Variants in LRRTM4 observed in about 807,000 individuals in gnomAD.
The protein encoded by LRRTM4 is leucine-rich repeat transmembrane neuronal protein 4.
A neutral mutation model predicts 47.6 loss-of-function variants in LRRTM4; 25 were observed. That is an observed-to-expected ratio of 0.53 (90% CI 0.38 to 0.73). The LOEUF (loss-of-function observed/expected upper bound fraction) is 0.73, where lower values mean the gene tolerates loss of function less well. LRRTM4 is among the 30% of genes least tolerant of loss of function. The probability of loss-of-function intolerance (pLI) is 0.00; values close to 1 mark genes in which losing one functional copy is unlikely to be tolerated. For synonymous variants in LRRTM4, 311 were observed against 269.5 expected, an observed-to-expected ratio of 1.15 and a Z score of -1.51; for missense variants, 638 against 713.4, an observed-to-expected ratio of 0.89 and a Z score of 1.20.
At chr2:77,008,135 A>G (rs1677728707) in intron 3 of LRRTM4, among the ~76,000 whole-genome samples, 1 of 152,200 alleles carries the variant, frequency 6.6e-6, no homozygotes, top group African/African-American at 2.4e-5. Context: ...GACAATGAAA[A>G]AAGAGAATAA....
chr2:76,794,736 T>C, intron 3 of LRRTM4, among the ~76,000 whole-genome samples: 1 of 147,984 alleles, frequency 6.8e-6, no homozygotes, highest in African/African-American at 2.7e-5. Flanking sequence ...TTTGCTATGG[T>C]GTACTGTCTT....
intron 3 of LRRTM4, among the ~76,000 whole-genome samples, chr2:77,479,150 C>A (rs140601231): frequency 1.3e-3 from 192 of 152,218 alleles, no homozygotes; most frequent in African/African-American, 4.4e-3. Context: ...CCTGTCTCGG[C>A]CCCCCAGAGT....
chr2:77,122,910 A>G (rs1671556325), intron 3 of LRRTM4, among the ~76,000 whole-genome samples: 1 of 151,880 alleles, frequency 6.6e-6, no homozygotes. Context: ...TGATTTCCTC[A>G]AGGCTTTTAT....
chr2:76,968,156 C>G (rs1421755505), intron 3 of LRRTM4, among the ~76,000 whole-genome samples: 3 of 148,678 alleles, frequency 2.0e-5, no homozygotes, highest in Non-Finnish European at 3.0e-5. Context: ...AAAGCCTACA[C>G]AGGAAAAAAA....
chr2:77,151,436 A>G (rs1351875740), intron 3 of LRRTM4, among the ~76,000 whole-genome samples: 1 of 152,168 alleles, frequency 6.6e-6, no homozygotes, highest in Admixed American at 6.5e-5. Flanking sequence ...TAACAAATCC[A>G]CTTTTGGTTA....
intron 3 of LRRTM4, among the ~76,000 whole-genome samples, chr2:76,937,126 G>T (rs956089794): frequency 7.2e-5 from 11 of 151,974 alleles, no homozygotes; most frequent in Admixed American, 5.3e-4. Flanking sequence ...TACAGTCTTG[G>T]TGATGGTAAT....
At chr2:77,480,319 G>A (rs574545964) in intron 3 of LRRTM4, among the ~76,000 whole-genome samples, 15 of 152,288 alleles carry the variant, frequency 9.8e-5, no homozygotes, top group African/African-American at 3.6e-4. Flanking sequence ...CAGGGGAGCA[G>A]ATTATTTTCA....
chr2:76,892,418 C>G (rs1202750891), intron 3 of LRRTM4, among the ~76,000 whole-genome samples: 1 of 151,594 alleles, frequency 6.6e-6, no homozygotes, highest in Non-Finnish European at 1.5e-5. Context: ...AACATGTGCC[C>G]TGCACCGTTT....
At chr2:77,394,999 G>C (rs766723909) in intron 3 of LRRTM4, among the ~76,000 whole-genome samples, 1 of 151,972 alleles carries the variant, frequency 6.6e-6, no homozygotes, top group Admixed American at 6.6e-5. Context: ...TTATTTAGCT[G>C]CTAGACAGAA....
At chr2:77,105,111 A>G (rs1671061301) in intron 3 of LRRTM4, among the ~76,000 whole-genome samples, 1 of 152,194 alleles carries the variant, frequency 6.6e-6, no homozygotes, top group Admixed American at 6.5e-5. Context: ...AGATTAAGAG[A>G]ACATTTAGAA....
At chr2:76,781,111 C>G (rs967537815) in intron 3 of LRRTM4, among the ~76,000 whole-genome samples, 34 of 152,254 alleles carry the variant, frequency 2.2e-4, no homozygotes, top group African/African-American at 8.0e-4. Context: ...TCTGCCCATT[C>G]TCAGATCTCC....
At chr2:77,036,796 C>T (rs1185239954) in intron 3 of LRRTM4, among the ~76,000 whole-genome samples, 1 of 151,662 alleles carries the variant, frequency 6.6e-6, no homozygotes, top group African/African-American at 2.4e-5. Flanking sequence ...ATAGTAGTAA[C>T]TGAAGCAAAA....
chr2:76,999,929 A>G (rs554577938), intron 3 of LRRTM4, among the ~76,000 whole-genome samples: 3 of 152,308 alleles, frequency 2.0e-5, no homozygotes, highest in African/African-American at 7.2e-5. Context: ...AAAGTGCACA[A>G]GGGCAGAGTG....
intron 3 of LRRTM4, among the ~76,000 whole-genome samples, chr2:76,929,320 A>G (rs142835248): frequency 1.6e-4 from 24 of 152,290 alleles, no homozygotes; most frequent in Middle Eastern, 3.4e-3. Context: ...AGCCTACAGT[A>G]CAACAAATGC....
intron 3 of LRRTM4, among the ~76,000 whole-genome samples, chr2:76,781,264 G>A (rs576700384): frequency 1.3e-5 from 2 of 152,362 alleles, no homozygotes; most frequent in African/African-American, 4.8e-5. Flanking sequence ...GCCTCCTTGA[G>A]CTGTGGTGGG....
intron 3 of LRRTM4, among the ~76,000 whole-genome samples, chr2:77,144,189 T>G (rs1030833842): frequency 6.6e-6 from 1 of 152,086 alleles, no homozygotes; most frequent in African/African-American, 2.4e-5. Flanking sequence ...GCCTTTATGA[T>G]CTTACACCAG....
chr2:77,029,662 T>C (rs907196904), intron 3 of LRRTM4, among the ~76,000 whole-genome samples: 1 of 152,182 alleles, frequency 6.6e-6, no homozygotes, highest in African/African-American at 2.4e-5. Flanking sequence ...CTAAAAGAGA[T>C]GATTTGATAA....
chr2:77,007,763 G>C (rs539597867), intron 3 of LRRTM4, among the ~76,000 whole-genome samples: 1 of 152,054 alleles, frequency 6.6e-6, no homozygotes, highest in Non-Finnish European at 1.5e-5. Flanking sequence ...TCTTCCATTC[G>C]GCTTTAGAGA....
At chr2:76,932,910 AGGTATACAC>A (rs1674821366) in intron 3 of LRRTM4, among the ~76,000 whole-genome samples, 1 of 152,148 alleles carries the variant, frequency 6.6e-6, no homozygotes, top group African/African-American at 2.4e-5. Context: ...TTTGTTACAT[AGGTATACAC>A]GTGCCATGGT....
Sources: gnomAD v4.1 joint callset for allele counts (sites outside exome capture counted in the v4.1 genomes callset) on GRCh38, gnomAD v4.1.1 for gene constraint, MANE v1.5 for transcripts, NCBI Gene and HGNC (gene_info 2026-07-23, HGNC 2026-07-21) for gene names.